POLN: variants seen among roughly 807,000 people sequenced by gnomAD.
POLN encodes DNA polymerase N.
Under a neutral mutation model 113.5 loss-of-function variants are expected in POLN, and 108 were observed. The ratio of observed to expected loss-of-function variants is 0.95; its 90% CI spans 0.81 to 1.12. POLN has a LOEUF of 1.12. Among genes scored for constraint, POLN ranks in the 50% most tolerant of loss-of-function variants. The probability of loss-of-function intolerance (pLI) is 0.00; values close to 1 mark genes in which losing one functional copy is unlikely to be tolerated. For missense variants in POLN, 1,097 were observed against 1,077.1 expected, an observed-to-expected ratio of 1.02 and a Z score of -0.26; for synonymous variants, 386 against 391.5, an observed-to-expected ratio of 0.99 and a Z score of 0.17.
chr4:2,146,646 G>A (rs893577464), intron 16 of POLN, among the ~76,000 whole-genome samples: 1 of 152,166 alleles, frequency 6.6e-6, no homozygotes, highest in South Asian at 2.1e-4. Flanking sequence ...GGAGGGGCAG[G>A]CAGATAGGGG....
chr4:2,131,119 A>C (rs930052371), intron 17 of POLN, 114 bp downstream of exon 17: 17 of 712,064 alleles, frequency 2.4e-5, no homozygotes, highest in South Asian at 1.8e-4. Flanking sequence ...CAGGAGGTCA[A>C]GGCTGCAGTG....
chr4:2,074,288 C>A (rs964030318), intron 24 of POLN, among the ~76,000 whole-genome samples: 1 of 152,156 alleles, frequency 6.6e-6, no homozygotes, highest in African/African-American at 2.4e-5. Flanking sequence ...ATGACCTGAC[C>A]CCCAGCCCTT....
chr4:2,173,869 G>C, intron 11 of POLN, 86 bp downstream of exon 11: 1 of 1,241,010 alleles, frequency 8.1e-7, no homozygotes, highest in South Asian at 1.2e-5. Flanking sequence ...AAGAAAAGGA[G>C]AATCTACTCT....
At position 2,242,080 on chromosome 4, in the gene POLN, A is replaced by G; in HGVS notation, c.-313T>C. On this transcript the variant is annotated 5_prime_UTR_variant, in exon 1 of 26. Transcript: ENST00000511885. The stretch of plus-strand genomic sequence containing the variant: ...GGAAGTTCCGCTTGCTTCTCGCAGG[A>G]GCCCGCCGCCACCGCCCTCCGTGCC... The G allele has an allele frequency of 8.1e-6, 8 of 985,774 alleles. No homozygotes were observed. The highest frequency in any genetic ancestry group is 8.4e-6 in the Non-Finnish European group (7 of 830,190). The allele number at this position is 985,774 out of a possible 1,614,324, so 61.1% of individuals were successfully genotyped here. A position where few individuals can be genotyped will look rare whatever the true frequency, so the allele number is the denominator to read the frequency against.
intron 7 of POLN, among the ~76,000 whole-genome samples, chr4:2,180,184 CT>C (rs1402305617): frequency 6.6e-6 from 1 of 152,162 alleles, no homozygotes; most frequent in Non-Finnish European, 1.5e-5. Flanking sequence ...GGAAAGATTA[CT>C]GTAATTATGT....
At chr4:2,181,057 G>A (rs1206028572) in intron 7 of POLN, among the ~76,000 whole-genome samples, 1 of 151,760 alleles carries the variant, frequency 6.6e-6, no homozygotes, top group Non-Finnish European at 1.5e-5. Flanking sequence ...AACTAAACTG[G>A]CGCAAGACAC....
chr4:2,178,485 T>A (rs1202285799), intron 8 of POLN, among the ~76,000 whole-genome samples: 2 of 152,244 alleles, frequency 1.3e-5, no homozygotes, highest in African/African-American at 4.8e-5. Context: ...TGGGGCCTGC[T>A]GAGAAGTCTC....
intron 19 of POLN, among the ~76,000 whole-genome samples, chr4:2,096,989 C>A (rs1486976974): frequency 6.6e-6 from 1 of 152,204 alleles, no homozygotes; most frequent in Non-Finnish European, 1.5e-5. Flanking sequence ...CTTTTGAATG[C>A]CCTAATTTCC....
intron 23 of POLN, chr4:2,080,718 G>A (rs1730388458): frequency 3.6e-6 from 5 of 1,408,008 alleles, no homozygotes; most frequent in South Asian, 1.5e-5. Context: ...AGGGGTCTGG[G>A]GGAGACAGCA....
At chr4:2,085,929 G>C (rs551542935) in intron 20 of POLN, among the ~76,000 whole-genome samples, 185 bp from the exon 21 acceptor site, 3 of 152,214 alleles carry the variant, frequency 2.0e-5, no homozygotes, top group African/African-American at 7.2e-5. Flanking sequence ...TGTGAAACAT[G>C]TATTTATTCA....
chr4:2,189,344 A>G (rs1175070334), intron 7 of POLN, among the ~76,000 whole-genome samples: 1 of 152,262 alleles, frequency 6.6e-6, no homozygotes, highest in African/African-American at 2.4e-5. Flanking sequence ...TATTGTTAAA[A>G]TATCAATGTT....
At chr4:2,104,958 A>G (rs987683588) in intron 19 of POLN, among the ~76,000 whole-genome samples, 13 of 152,202 alleles carry the variant, frequency 8.5e-5, no homozygotes, top group African/African-American at 2.9e-4. Flanking sequence ...GGGGGCACAC[A>G]CATGCACACA....
chr4:2,072,304 A>AG lies in POLN; in HGVS notation c.2518-6dup, dbSNP rs748087442. 19 of 1,556,100 alleles carry AG rather than the reference A, an allele frequency of 1.2e-5. No homozygotes were observed. In the African/African-American group the frequency reaches 2.6e-4, roughly 22 times the overall value. On this transcript the variant is annotated splice_polypyrimidine_tract_variant and splice_region_variant and intron_variant, in intron 25 of 25. Coordinates refer to ENST00000511885, the MANE Select transcript of POLN (RefSeq NM_181808.4). The stretch of plus-strand genomic sequence containing the variant: ...CAGGCTCACCTTGAGGGGTACCTGC[A>AG]GGTGGCAGCCAGAGGTGAGCCCCAC...
intron 19 of POLN, among the ~76,000 whole-genome samples, chr4:2,112,719 T>G (rs561822476): frequency 0.053 from 8,085 of 152,126 alleles, 741 homozygotes; most frequent in African/African-American, 0.19. Context: ...TGGCAATCAT[T>G]AAAAAGTCAG....
chr4:2,087,432 G>A (rs1730574806), intron 20 of POLN, among the ~76,000 whole-genome samples: 1 of 152,180 alleles, frequency 6.6e-6, no homozygotes. Flanking sequence ...ACACAAGGCT[G>A]GCCAGATGGG....
chr4:2,108,564 T>C (rs1323652123), intron 19 of POLN, among the ~76,000 whole-genome samples: 1 of 152,212 alleles, frequency 6.6e-6, no homozygotes, highest in Non-Finnish European at 1.5e-5. Flanking sequence ...GGTGAATTTT[T>C]CTTCTAACTC....
intron 2 of POLN, chr4:2,236,456 C>A (rs752684150): frequency 6.3e-7 from 1 of 1,592,654 alleles, no homozygotes; most frequent in African/African-American, 1.3e-5. Context: ...CTTGGTAAAG[C>A]CTGAAATGTA....
chr4:2,182,718 GA>G (rs904793992), intron 7 of POLN, among the ~76,000 whole-genome samples: 3 of 151,130 alleles, frequency 2.0e-5, no homozygotes, highest in East Asian at 1.9e-4. Flanking sequence ...AAACTTGTAT[GA>G]AAAAAAATGA....
At chr4:2,240,576 T>C in intron 2 of POLN, 1 of 1,613,096 alleles carries the variant, frequency 6.2e-7, no homozygotes, top group Non-Finnish European at 8.5e-7. Flanking sequence ...AGCCATCAAT[T>C]GACATTTATT....
Sources: allele counts gnomAD v4.1 joint callset (sites outside exome capture counted in the v4.1 genomes callset), GRCh38; gene constraint gnomAD v4.1.1; transcripts MANE v1.5; gene names NCBI Gene and HGNC (gene_info 2026-07-23, HGNC 2026-07-21).